The following NRXN1 variants were observed in gnomAD, a reference collection of about 807,000 sequenced individuals.
The protein encoded by NRXN1 is neurexin 1.
In NRXN1, 39 loss-of-function variants were observed where a neutral mutation model predicts 150.9. The ratio of observed to expected loss-of-function variants is 0.26; its 90% CI spans 0.20 to 0.34. The LOEUF is 0.34. NRXN1 is among the 10% of genes least tolerant of loss of function. NRXN1 has a pLI of 1.00. For synonymous variants in NRXN1, 924 were observed against 757.0 expected (o/e 1.22, Z -3.62); for missense variants, 1,815 against 1,949.9 (o/e 0.93, Z 1.30).
At chr2:50,584,813 T>G (rs572992669) in intron 8 of NRXN1, among the ~76,000 whole-genome samples, 1 of 152,266 alleles carries the variant, frequency 6.6e-6, no homozygotes, top group East Asian at 1.9e-4. Flanking sequence ...ATATGAGAGT[T>G]CACAGTATAT....
intron 18 of NRXN1, among the ~76,000 whole-genome samples, chr2:50,137,103 C>T (rs1314255591): frequency 6.6e-6 from 1 of 151,842 alleles, no homozygotes; most frequent in Non-Finnish European, 1.5e-5. Context: ...TTTTTTTTTA[C>T]TTGGGGAAGA....
At position 50,346,676 on chromosome 2, in the gene NRXN1, G is replaced by A. The variant is rs1249480567; in HGVS notation, c.3365-109706C>T. On this transcript the variant is annotated intron_variant, in intron 17 of 22. Transcript: ENST00000401669. The surrounding 1 kb of genome is among the most constrained non-coding windows in gnomAD (Gnocchi z 5.0). ...CGAGGGGATAACCCGCGAGAACTTG[G>A]CATCGCAGACCCACCGTGTCCGCCT... 4 of 1,612,366 alleles carry A rather than the reference G, an allele frequency of 2.5e-6. No homozygotes were observed. The highest frequency in any genetic ancestry group is 1.7e-6 in the Non-Finnish European group (2 of 1,178,898).
intron 17 of NRXN1, among the ~76,000 whole-genome samples, chr2:50,340,401 G>C (rs938498215): frequency 1.3e-5 from 2 of 152,112 alleles, no homozygotes; most frequent in African/African-American, 4.8e-5. Flanking sequence ...TGAAAGAAGC[G>C]GGTGCTTTTC....
At chr2:50,384,615 T>A (rs2081202666) in intron 17 of NRXN1, among the ~76,000 whole-genome samples, 2 of 151,978 alleles carry the variant, frequency 1.3e-5, no homozygotes, top group Non-Finnish European at 2.9e-5. Context: ...TCTTCAGGTC[T>A]GTAGGTAGTA....
chr2:50,456,812 G>C (rs1337973771), intron 17 of NRXN1, among the ~76,000 whole-genome samples: 1 of 151,834 alleles, frequency 6.6e-6, no homozygotes, highest in Non-Finnish European at 1.5e-5. Context: ...ATCTACCAAA[G>C]ACCTTCATAG....
chr2:50,531,824 T>G (rs1244778115), intron 10 of NRXN1, among the ~76,000 whole-genome samples: 3 of 151,690 alleles, frequency 2.0e-5, no homozygotes, highest in African/African-American at 7.3e-5. Context: ...TGTGGATTTT[T>G]TTGTTGTTGT....
At chr2:50,592,755 G>T (rs995053390) in intron 8 of NRXN1, among the ~76,000 whole-genome samples, 9 of 152,156 alleles carry the variant, frequency 5.9e-5, no homozygotes, top group African/African-American at 2.2e-4. Context: ...TAGTTCAGGG[G>T]AAAAGATGCT....
At chr2:50,721,876 G>A (rs998894955) in intron 5 of NRXN1, among the ~76,000 whole-genome samples, 1 of 151,982 alleles carries the variant, frequency 6.6e-6, no homozygotes, top group African/African-American at 2.4e-5. Flanking sequence ...ACAACTTCCC[G>A]AAACTAGTGA....
chr2:50,696,175 CGTGTGTGTGTGTGT>C (rs200473527), intron 5 of NRXN1: 9 of 146,418 alleles, frequency 6.1e-5, no homozygotes, highest in African/African-American at 1.3e-4. Flanking sequence ...AGTACATATA[CGTGTGTGTGTGTGT>C]GTGTGTGTGT....
At chr2:50,437,443 T>C (rs533186571) in intron 17 of NRXN1, among the ~76,000 whole-genome samples, 44 of 152,346 alleles carry the variant, frequency 2.9e-4, no homozygotes, top group Admixed American at 5.2e-4. Flanking sequence ...CCCAGTGTTA[T>C]TTTCACCTAA....
At chr2:50,079,796 C>G (rs1697666594) in intron 19 of NRXN1, among the ~76,000 whole-genome samples, 1 of 151,982 alleles carries the variant, frequency 6.6e-6, no homozygotes, top group African/African-American at 2.4e-5. Context: ...AAATTGTCCT[C>G]TTGCATGATA....
intron 5 of NRXN1, among the ~76,000 whole-genome samples, chr2:50,710,795 G>GA (rs1695044004): frequency 6.6e-6 from 1 of 152,158 alleles, no homozygotes; most frequent in South Asian, 2.1e-4. Context: ...CAAGGAAAGA[G>GA]AAAATCTTTA....
chr2:50,452,560 G>T (rs2087074872), intron 17 of NRXN1, among the ~76,000 whole-genome samples: 3 of 152,078 alleles, frequency 2.0e-5, no homozygotes, highest in Non-Finnish European at 2.9e-5. Flanking sequence ...TAAATATGAA[G>T]ATCTTACTAG....
At chr2:50,016,562 T>C (rs1425812180) in intron 21 of NRXN1, 3 of 152,068 alleles carry the variant, frequency 2.0e-5, no homozygotes, top group African/African-American at 4.8e-5. Flanking sequence ...AGCAAACACA[T>C]CCTTCTTAAC....
chr2:50,719,030 T>C (rs548561526), intron 5 of NRXN1, among the ~76,000 whole-genome samples: 73 of 150,482 alleles, frequency 4.9e-4, no homozygotes, highest in African/African-American at 1.3e-3. Context: ...ATACATAATA[T>C]AAAAGTAAAT....
intron 22 of NRXN1, among the ~76,000 whole-genome samples, chr2:49,942,614 T>TATTATTTTA (rs112672714): frequency 1.1e-4 from 16 of 148,926 alleles, no homozygotes; most frequent in Admixed American, 9.4e-4. Flanking sequence ...TTATTATTAT[T>TATTATTTTA]TTATTATTAT....
At chr2:50,467,815 A>T (rs2089058633) in intron 16 of NRXN1, among the ~76,000 whole-genome samples, 1 of 151,490 alleles carries the variant, frequency 6.6e-6, no homozygotes, top group Admixed American at 6.6e-5. Flanking sequence ...AAGAACTAAG[A>T]ACTAACAAAG....
In NRXN1 at chr2:50,472,345, A is replaced by G; in HGVS notation, c.3197T>C (p.Ile1066Thr). ...VDLNGRLPDL[I>T]SDALFCNGQI... ...TCCGTTGCAGAAAAGAGCATCGGAG[A>G]TGAGGTCCGGAAGCCGTCCATTTAA... Residue 1066 changes from isoleucine to threonine, a missense_variant, in exon 16 of 23, where the codon ATC (isoleucine) becomes ACC (threonine). Around this residue, in one of 6 missense-constraint regions of NRXN1, gnomAD observed 339 missense variants for 440.3 expected, o/e 0.77. Transcript: ENST00000401669. 1 of 1,611,670 alleles carries G rather than the reference A, an allele frequency of 6.2e-7. No individual in the cohort carries two copies. Among genetic ancestry groups the G allele is most frequent in the Non-Finnish European group, 8.5e-7 (1 of 1,178,618 alleles).
chr2:50,850,232 A>G (rs964607446), intron 5 of NRXN1, among the ~76,000 whole-genome samples: 4 of 135,248 alleles, frequency 3.0e-5, no homozygotes, highest in Admixed American at 7.4e-5. Flanking sequence ...GTCTCGACAG[A>G]AAAAAAAAAA....
Sources: allele counts gnomAD v4.1 joint callset (sites outside exome capture counted in the v4.1 genomes callset), GRCh38; gene constraint gnomAD v4.1.1; regional missense constraint gnomAD v4.1.1; non-coding constraint Gnocchi (gnomAD v3.1); transcripts MANE v1.5; gene names NCBI Gene and HGNC (gene_info 2026-07-23, HGNC 2026-07-21).